The following TBCD variants were observed in gnomAD, a reference collection of about 807,000 sequenced individuals.
TBCD encodes tubulin folding cofactor D.
Under a neutral mutation model 169.3 loss-of-function variants are expected in TBCD, and 105 were observed. That is an observed-to-expected ratio of 0.62 (90% confidence interval 0.53 to 0.73). The LOEUF (loss-of-function observed/expected upper bound fraction) is 0.73. Among genes scored for constraint, TBCD ranks in the 30% least tolerant of loss-of-function variants. The probability of loss-of-function intolerance (pLI) is 0.00; values close to 1 mark genes in which losing one functional copy is unlikely to be tolerated. For missense variants in TBCD, 1,444 were observed against 1,600.1 expected (o/e 0.90, Z 1.66); for synonymous variants, 700 against 643.9 (o/e 1.09, Z -1.32).
chr17:82,930,661 G>A lies in TBCD; in HGVS notation c.3113+18G>A. 2.5e-6 allele frequency: 4 copies of A among 1,613,808 alleles called. No individual in the cohort carries two copies. Among genetic ancestry groups the A allele is most frequent in the Non-Finnish European group, 3.4e-6 (4 of 1,179,836 alleles). On this transcript the variant is annotated intron_variant, in intron 33 of 38. Transcript: ENST00000355528. This position sits in a 1 kb window ranked among gnomAD's most constrained non-coding sequence, Gnocchi z 5.2. Reference sequence around the variant, plus strand: ...AATGAGAGGTGAGTGGTGTCTCTTGGGGCCTCAGAGGCGTGAGTGGTGCTG... The same window carrying A: ...AATGAGAGGTGAGTGGTGTCTCTTGAGGCCTCAGAGGCGTGAGTGGTGCTG...
intron 19 of TBCD, among the ~76,000 whole-genome samples, chr17:82,904,910 A>C (rs2060128756): frequency 6.6e-6 from 1 of 152,194 alleles, no homozygotes. Flanking sequence ...ACGGACACCC[A>C]GAACAGGACT....
rs534335042 is a variant in TBCD at position 82,880,106 on chromosome 17, C to G, written c.1476-4039C>G. On this transcript the variant is annotated intron_variant, in intron 14 of 38. Coordinates refer to ENST00000355528, the MANE Select transcript of TBCD (RefSeq NM_005993.5). The surrounding 1 kb of genome is among the most constrained non-coding windows in gnomAD (Gnocchi z 5.0). Reference sequence around the variant, plus strand: ...CGCTTCATCCTTCACGTACCCTATGCCTGTGGTCCTTTCTTCTGCCTCCTG... The same window carrying G: ...CGCTTCATCCTTCACGTACCCTATGGCTGTGGTCCTTTCTTCTGCCTCCTG... 6.6e-6 allele frequency among the ~76,000 whole-genome samples: 1 copy of G among 152,306 alleles called. No individual in the cohort carries two copies. The highest frequency in any genetic ancestry group is 2.1e-4 in the South Asian group (1 of 4,834).
Position 82,853,177 on chromosome 17 carries a change from G to A in TBCD, c.1319-17047G>A, listed in dbSNP as rs138775142. On this transcript the variant is annotated intron_variant, in intron 13 of 38. Coordinates refer to ENST00000355528, the MANE Select transcript of TBCD (RefSeq NM_005993.5). Reference sequence around the variant, plus strand: ...TCACTGCATCCTTGACCTCTTGGGCGCAAGTGATCCTCTGACCTCAGCCTC... The same window carrying A: ...TCACTGCATCCTTGACCTCTTGGGCACAAGTGATCCTCTGACCTCAGCCTC... Among the ~76,000 whole-genome samples, 803 of 148,474 alleles carry A rather than the reference G, an allele frequency of 5.4e-3. 9 individuals are homozygous for A. The highest frequency in any genetic ancestry group is 0.019 in the African/African-American group (748 of 40,276).
chr17:82,940,382 T>TGAGTGCCGACTGTGACA (rs1253210491), intron 37 of TBCD, among the ~76,000 whole-genome samples: 38 of 152,000 alleles, frequency 2.5e-4, no homozygotes, highest in African/African-American at 8.7e-4. Flanking sequence ...TGCTCTGTTT[T>TGAGTGCCGACTGTGACA]GAGTGCCGAC....
At position 82,920,950 on chromosome 17, in the gene TBCD, G is replaced by A. The variant is rs928898952; in HGVS notation, c.2101+332G>A. 1.2e-5 allele frequency: 4 copies of A among 342,286 alleles called. No individual in the cohort carries two copies. Among genetic ancestry groups the A allele is most frequent in the African/African-American group, 4.3e-5 (2 of 46,238 alleles). The allele number at this position is 342,286 out of a possible 1,614,324, so 21.2% of individuals were successfully genotyped here. The stretch of plus-strand genomic sequence containing the variant: ...AGCCACCCAGGCCCTCGTGGACCAG[G>A]AGCGTGCCGGCCGCCGACACCACGG... On this transcript the variant is annotated intron_variant, in intron 24 of 38. Coordinates refer to ENST00000355528, the MANE Select transcript of TBCD (RefSeq NM_005993.5). This position sits in a 1 kb window ranked among gnomAD's most constrained non-coding sequence, Gnocchi z 4.1.
At chr17:82,776,366 G>A (rs1454518155) in intron 6 of TBCD, among the ~76,000 whole-genome samples, 3 of 152,098 alleles carry the variant, frequency 2.0e-5, no homozygotes, top group African/African-American at 4.8e-5. Flanking sequence ...CTGTGATTGC[G>A]CCACTGCATT....
In TBCD at chr17:82,929,431, G is replaced by C. The variant is rs769327494; in HGVS notation, c.2922G>C (p.Gly974=). ...TCCCACGCATCACCCAGCTCCTTGGGCTGCCCACCTACCGCTACCACGTCC... is the reference window on the plus strand; with the variant it reads ...TCCCACGCATCACCCAGCTCCTTGGCCTGCCCACCTACCGCTACCACGTCC... The part of the protein sequence containing the change: ...QAFPRITQLL[G]LPTYRYHVLL... The change falls in exon 32 of 39, where the codon GGG becomes GGC. Residue 974 remains glycine, a synonymous_variant. Transcript: ENST00000355528. 2 of 1,612,372 alleles carry C rather than the reference G, an allele frequency of 1.2e-6. No individual in the cohort carries two copies. Among genetic ancestry groups the C allele is most frequent in the Admixed American group, 3.3e-5 (2 of 60,004 alleles).
At chr17:82,785,297 G>C (rs1321182037) in intron 7 of TBCD, among the ~76,000 whole-genome samples, 31 of 39,470 alleles carry the variant, frequency 7.9e-4, no homozygotes, top group South Asian at 1.8e-3. Flanking sequence ...CACTGGACCC[G>C]ACCCATCGCA....
At chr17:82,876,251 C>G (rs1304373052) in intron 14 of TBCD, among the ~76,000 whole-genome samples, 1 of 152,196 alleles carries the variant, frequency 6.6e-6, no homozygotes, top group East Asian at 1.9e-4. Flanking sequence ...TGACACAGAC[C>G]ATTTCTCTGT....
intron 21 of TBCD, among the ~76,000 whole-genome samples, chr17:82,908,790 G>A (rs1490435850): frequency 1.3e-5 from 2 of 152,152 alleles, no homozygotes; most frequent in Non-Finnish European, 2.9e-5. Flanking sequence ...TAATAGAGCC[G>A]ATCTCCTTGA....
intron 6 of TBCD, among the ~76,000 whole-genome samples, chr17:82,776,848 C>T (rs1380235135): frequency 6.6e-6 from 1 of 152,068 alleles, no homozygotes; most frequent in Non-Finnish European, 1.5e-5. Flanking sequence ...CAGGAACACC[C>T]CACCCCCAAA....
Position 82,832,739 on chromosome 17 carries a change from C to T in TBCD, c.1318+17805C>T, listed in dbSNP as rs2053626968. On this transcript the variant is annotated intron_variant, in intron 13 of 38. Coordinates refer to ENST00000355528, the MANE Select transcript of TBCD (RefSeq NM_005993.5). This position sits in a 1 kb window ranked among gnomAD's most constrained non-coding sequence, Gnocchi z 4.9. ...CCACAGGATCCCTGAAGCAGAACCC[C>T]TGAAGGGCTGAAACTGCCTGCTCCT... 2.1e-5 allele frequency: 10 copies of T among 484,394 alleles called. No homozygotes were observed. The highest frequency in any genetic ancestry group is 1.7e-4 in the South Asian group (8 of 47,152). The allele number at this position is 484,394 out of a possible 1,614,324, so 30.0% of individuals were successfully genotyped here.
At position 82,930,465 on chromosome 17, in the gene TBCD, C is replaced by CTGAGG. The variant is rs547222083; in HGVS notation, c.2992-56_2992-52dup. On this transcript the variant is annotated intron_variant, in intron 32 of 38. Transcript: ENST00000355528. This position sits in a 1 kb window ranked among gnomAD's most constrained non-coding sequence, Gnocchi z 5.2. ...GATGCTTGACCGGCTGTAGCCAAGC[C>CTGAGG]TGAGGGGTGGCAGGCTCGGGGGTCC... The CTGAGG allele has an allele frequency of 6.3e-6, 10 of 1,592,538 alleles. No homozygotes were observed. In the African/African-American group the frequency reaches 1.2e-4, roughly 19 times the overall value.
intron 14 of TBCD, among the ~76,000 whole-genome samples, chr17:82,872,142 G>A (rs2057615066): frequency 6.6e-6 from 1 of 152,224 alleles, no homozygotes; most frequent in Non-Finnish European, 1.5e-5. Flanking sequence ...AGCGAAGCCT[G>A]AGAGGAGCCG....
chr17:82,886,665 C>G (rs2058729651), intron 15 of TBCD, among the ~76,000 whole-genome samples: 5 of 6,370 alleles, frequency 7.8e-4, no homozygotes, highest in Non-Finnish European at 1.3e-3. Context: ...CCTCCCCTCC[C>G]CTCCCCTCCC....
intron 12 of TBCD, among the ~76,000 whole-genome samples, chr17:82,813,695 A>G (rs2144911549): frequency 6.6e-6 from 1 of 152,376 alleles, no homozygotes; most frequent in South Asian, 2.1e-4. Context: ...GGTGTGAAGC[A>G]TCTTTCTCCA....
At chr17:82,777,496 G>A (rs963966941) in intron 6 of TBCD, among the ~76,000 whole-genome samples, 4 of 152,224 alleles carry the variant, frequency 2.6e-5, no homozygotes, top group African/African-American at 4.8e-5. Context: ...GCAGTGTAAG[G>A]AATGTGAGCC....
Position 82,903,670 on chromosome 17 carries a change from C to A in TBCD, c.1804+192C>A, listed in dbSNP as rs1205876315. Among the ~76,000 whole-genome samples, 2 of 152,218 alleles carry A rather than the reference C, an allele frequency of 1.3e-5. No individual in the cohort carries two copies. The highest frequency in any genetic ancestry group is 2.9e-5 in the Non-Finnish European group (2 of 68,034). On this transcript the variant is annotated intron_variant, in intron 19 of 38. Coordinates refer to ENST00000355528, the MANE Select transcript of TBCD (RefSeq NM_005993.5). This position sits in a 1 kb window ranked among gnomAD's most constrained non-coding sequence, Gnocchi z 4.8. ...CGGATGCGGTGAGTGTGTCCGCCTGCAGGGCAGGGAGCCGCTGAACTGTGT... is the reference window on the plus strand; with the variant it reads ...CGGATGCGGTGAGTGTGTCCGCCTGAAGGGCAGGGAGCCGCTGAACTGTGT...
Position 82,911,715 on chromosome 17 carries a change from G to A in TBCD, c.2007-43G>A, listed in dbSNP as rs964883728. The A allele has an allele frequency of 3.7e-6, 6 of 1,600,874 alleles. No homozygotes were observed. In the East Asian group the frequency reaches 8.9e-5, roughly 24 times the overall value. Reference sequence around the variant, plus strand: ...AAGCATATTTCATGGTGTTTTATACGTCAAGAGGTTCTTCTAATTCTGATG... The same window carrying A: ...AAGCATATTTCATGGTGTTTTATACATCAAGAGGTTCTTCTAATTCTGATG... On this transcript the variant is annotated intron_variant, in intron 22 of 38. Transcript: ENST00000355528.
Sources: allele counts gnomAD v4.1 joint callset (sites outside exome capture counted in the v4.1 genomes callset), GRCh38; gene constraint gnomAD v4.1.1; non-coding constraint Gnocchi (gnomAD v3.1); transcripts MANE v1.5; gene names NCBI Gene and HGNC (gene_info 2026-07-23, HGNC 2026-07-21).